The following BICD1 variants were observed in gnomAD, a reference collection of about 807,000 sequenced individuals.
BICD1 encodes protein bicaudal D homolog 1.
A neutral mutation model predicts 92.5 loss-of-function variants in BICD1; 35 were observed. That is an observed-to-expected ratio of 0.38 (90% CI 0.29 to 0.50). The LOEUF (loss-of-function observed/expected upper bound fraction) is 0.50. Ranked by LOEUF, BICD1 falls within the 20% of genes least tolerant of loss-of-function variation. The pLI is 0.93. For synonymous variants in BICD1, 429 were observed against 465.1 expected (o/e 0.92, Z 1.00); for missense variants, 950 against 1,189.8 (o/e 0.80, Z 2.97).
chr12:32,285,096 G>A (rs1947527944), intron 2 of BICD1, among the ~76,000 whole-genome samples: 1 of 152,130 alleles, frequency 6.6e-6, no homozygotes, highest in Admixed American at 6.6e-5. Context: ...CTGTTTGAAG[G>A]TTTATCTCTG....
intron 2 of BICD1, among the ~76,000 whole-genome samples, chr12:32,282,848 G>A (rs1262245584): frequency 6.6e-6 from 1 of 152,242 alleles, no homozygotes; most frequent in Non-Finnish European, 1.5e-5. Context: ...CCGATCCAAT[G>A]ACAACGTGCA....
intron 2 of BICD1, among the ~76,000 whole-genome samples, chr12:32,273,301 CAG>C (rs1346397643): frequency 6.6e-6 from 1 of 152,154 alleles, no homozygotes; most frequent in Non-Finnish European, 1.5e-5. Flanking sequence ...AGTAGTGACA[CAG>C]AGTCAGATCA....
chr12:32,120,141 A>G (rs1198786941), intron 1 of BICD1, among the ~76,000 whole-genome samples: 2 of 152,122 alleles, frequency 1.3e-5, no homozygotes, highest in African/African-American at 2.4e-5. Context: ...TGCAGTTTTT[A>G]TGCCAACTTT....
chr12:32,249,040 C>G (rs1442385714), intron 2 of BICD1, among the ~76,000 whole-genome samples: 3 of 152,192 alleles, frequency 2.0e-5, no homozygotes, highest in Non-Finnish European at 4.4e-5. Context: ...CACAAAATAT[C>G]TGGTGTAAGC....
chr12:32,113,745 T>C (rs1941785731), intron 1 of BICD1, among the ~76,000 whole-genome samples: 1 of 148,634 alleles, frequency 6.7e-6, no homozygotes, highest in African/African-American at 2.5e-5. Context: ...AATCTCACTC[T>C]ATCACCCAGG....
At chr12:32,203,517 C>G (rs902789927) in intron 1 of BICD1, among the ~76,000 whole-genome samples, 1 of 152,144 alleles carries the variant, frequency 6.6e-6, no homozygotes, top group Admixed American at 6.5e-5. Context: ...GTTTGGAGTT[C>G]TCAGCTGAGG....
chr12:32,246,151 A>T (rs1946380367), intron 2 of BICD1, among the ~76,000 whole-genome samples: 1 of 151,644 alleles, frequency 6.6e-6, no homozygotes, highest in African/African-American at 2.4e-5. Context: ...ATCTGGAAAG[A>T]AAAAGCATCC....
At chr12:32,170,856 C>T (rs1414655348) in intron 1 of BICD1, among the ~76,000 whole-genome samples, 3 of 152,066 alleles carry the variant, frequency 2.0e-5, no homozygotes, top group Admixed American at 6.6e-5. Context: ...GCCAAGAACC[C>T]GACAGTGTAC....
chr12:32,163,099 A>C (rs1250641119), intron 1 of BICD1, among the ~76,000 whole-genome samples: 1 of 152,210 alleles, frequency 6.6e-6, no homozygotes, highest in African/African-American at 2.4e-5. Context: ...CACATGTTAA[A>C]TGATAACGCA....
chr12:32,226,280 A>G (rs544010431), intron 2 of BICD1, among the ~76,000 whole-genome samples: 17 of 152,042 alleles, frequency 1.1e-4, no homozygotes, highest in Admixed American at 1.0e-3. Flanking sequence ...GACTACAGGC[A>G]CATGCCACCA....
intron 1 of BICD1, among the ~76,000 whole-genome samples, chr12:32,184,090 C>T (rs1173734305): frequency 6.6e-6 from 1 of 152,080 alleles, no homozygotes; most frequent in Non-Finnish European, 1.5e-5. Context: ...TCCGGCGTGG[C>T]AGTGGTCAGG....
chr12:32,336,102 TC>T (rs1938109892), intron 6 of BICD1, among the ~76,000 whole-genome samples: 1 of 152,192 alleles, frequency 6.6e-6, no homozygotes, highest in Non-Finnish European at 1.5e-5. Flanking sequence ...AGAGCGAGAC[TC>T]CGTCTCAAAA....
chr12:32,332,622 C>A, intron 5 of BICD1: 1 of 300,122 alleles, frequency 3.3e-6, no homozygotes, highest in Non-Finnish European at 4.9e-6. Context: ...CAACGTTACA[C>A]ATGCTGTAAT....
intron 1 of BICD1, among the ~76,000 whole-genome samples, chr12:32,130,821 A>T (rs1942519790): frequency 6.6e-6 from 1 of 152,140 alleles, no homozygotes; most frequent in Non-Finnish European, 1.5e-5. Context: ...TAGTTAAATA[A>T]ATAATGCTCC....
At chr12:32,365,253 A>G (rs1447962085) in intron 8 of BICD1, among the ~76,000 whole-genome samples, 1 of 152,214 alleles carries the variant, frequency 6.6e-6, no homozygotes, top group East Asian at 1.9e-4. Flanking sequence ...ATAAAATAAA[A>G]TAAAAAATAA....
At position 32,257,050 on chromosome 12, in the gene BICD1, T is replaced by A. The variant is rs867057975; in HGVS notation, c.427-36944T>A. Among the ~76,000 whole-genome samples the A allele has an allele frequency of 1.4e-4, 22 of 151,798 alleles. No individual in the cohort carries two copies. The South Asian group carries it at 1.7e-3, about 12-fold the overall frequency. Reference sequence around the variant, plus strand: ...TAACATGGTGAAACCCCGTCTCTGCTAAAAATACAAAAATTAGCTGGGCAT... The same window carrying A: ...TAACATGGTGAAACCCCGTCTCTGCAAAAAATACAAAAATTAGCTGGGCAT... On this transcript the variant is annotated intron_variant, in intron 2 of 9. Coordinates refer to ENST00000652176, the MANE Select transcript of BICD1 (RefSeq NM_001714.4).
At chr12:32,295,217 G>T (rs1592627114) in intron 3 of BICD1, among the ~76,000 whole-genome samples, 1 of 151,902 alleles carries the variant, frequency 6.6e-6, no homozygotes, top group Non-Finnish European at 1.5e-5. Flanking sequence ...TTCCTGATTG[G>T]TTTGCATTGT....
chr12:32,235,254 G>C (rs1485929297), intron 2 of BICD1, among the ~76,000 whole-genome samples: 1 of 152,152 alleles, frequency 6.6e-6, no homozygotes, highest in African/African-American at 2.4e-5. Context: ...TTCTTGGATA[G>C]TTAACTCAGT....
chr12:32,121,331 G>T (rs1014160621), intron 1 of BICD1, among the ~76,000 whole-genome samples: 1 of 151,930 alleles, frequency 6.6e-6, no homozygotes, highest in Admixed American at 6.6e-5. Flanking sequence ...GGTGGCTCAT[G>T]CCTGTAATCC....
Sources: gnomAD v4.1 joint callset for allele counts (sites outside exome capture counted in the v4.1 genomes callset) on GRCh38, gnomAD v4.1.1 for gene constraint, MANE v1.5 for transcripts, NCBI Gene and HGNC (gene_info 2026-07-23, HGNC 2026-07-21) for gene names.